Variants in PTPRD observed in about 807,000 individuals in gnomAD.
The protein encoded by PTPRD is protein tyrosine phosphatase receptor type D, also known as receptor-type tyrosine-protein phosphatase delta.
Under a neutral mutation model 214.5 loss-of-function variants are expected in PTPRD, and 34 were observed. The ratio of observed to expected loss-of-function variants is 0.16; its 90% confidence interval spans 0.12 to 0.21. The LOEUF (loss-of-function observed/expected upper bound fraction) is 0.21, where lower values mean the gene tolerates loss of function less well. PTPRD is among the 10% of genes least tolerant of loss of function. The pLI is 1.00. For synonymous variants in PTPRD, 1,128 were observed against 845.7 expected (o/e 1.33, Z -5.79); for missense variants, 2,545 against 2,398.7 (o/e 1.06, Z -1.27).
At chr9:9,208,091 T>G (rs1469774054) in intron 9 of PTPRD, among the ~76,000 whole-genome samples, 1 of 139,956 alleles carries the variant, frequency 7.1e-6, no homozygotes, top group Non-Finnish European at 1.5e-5. Flanking sequence ...GCGATCTCAC[T>G]GCAAGCTCCG....
chr9:10,441,491 A>C (rs2098757980), intron 2 of PTPRD, among the ~76,000 whole-genome samples: 1 of 151,698 alleles, frequency 6.6e-6, no homozygotes, highest in Non-Finnish European at 1.5e-5. Context: ...TTACATTTCA[A>C]GCCTCAGTCC....
At chr9:10,078,514 TAAAAAAA>T (rs71485315) in intron 3 of PTPRD, among the ~76,000 whole-genome samples, 5 of 78,762 alleles carry the variant, frequency 6.3e-5, no homozygotes, top group Admixed American at 1.5e-4. Context: ...AGACTCCATC[TAAAAAAA>T]AAAAAAAAAA....
At chr9:9,440,959 G>C (rs769161771) in intron 8 of PTPRD, among the ~76,000 whole-genome samples, 9 of 152,214 alleles carry the variant, frequency 5.9e-5, no homozygotes, top group Non-Finnish European at 1.2e-4. Flanking sequence ...GTGAAGTCAA[G>C]CTGATCTTCA....
intron 7 of PTPRD, among the ~76,000 whole-genome samples, chr9:9,702,256 T>C (rs1312537276): frequency 2.6e-5 from 4 of 152,130 alleles, no homozygotes; most frequent in African/African-American, 9.7e-5. Flanking sequence ...AGAGGGTGCA[T>C]AAAACAGTGT....
Position 10,279,577 on chromosome 9 carries a change from T to C in PTPRD, c.-545+61386A>G, listed in dbSNP as rs1158804722. 2.0e-5 allele frequency among the ~76,000 whole-genome samples: 3 copies of C among 152,272 alleles called. No individual in the cohort carries two copies. The East Asian group carries it at 5.8e-4, about 29-fold the overall frequency. ...TTTAAACTCCTTTGCTGGAGGTTGG[T>C]CATTTATATCTTACTCAAGCTACTT... On this transcript the variant is annotated intron_variant, in intron 3 of 45. Coordinates refer to ENST00000381196, the MANE Select transcript of PTPRD (RefSeq NM_002839.4).
chr9:10,178,835 C>A (rs897657137), intron 3 of PTPRD, among the ~76,000 whole-genome samples: 1 of 151,844 alleles, frequency 6.6e-6, no homozygotes, highest in African/African-American at 2.4e-5. Flanking sequence ...TGTTTTCAGA[C>A]ATTTACAAAT....
chr9:10,166,111 G>A (rs142149713), intron 3 of PTPRD, among the ~76,000 whole-genome samples: 1 of 149,558 alleles, frequency 6.7e-6, no homozygotes, highest in African/African-American at 2.4e-5. Context: ...TAAAATATAT[G>A]TACATATATA....
At chr9:10,097,786 G>C (rs972353234) in intron 3 of PTPRD, among the ~76,000 whole-genome samples, 6 of 151,792 alleles carry the variant, frequency 4.0e-5, no homozygotes, top group African/African-American at 1.5e-4. Context: ...TTGAATAGGA[G>C]TGGTGAGAGA....
At chr9:8,454,034 T>C (rs1056842814) in intron 33 of PTPRD, among the ~76,000 whole-genome samples, 1 of 152,236 alleles carries the variant, frequency 6.6e-6, no homozygotes, top group African/African-American at 2.4e-5. Context: ...GATTAATCAT[T>C]CAATAATCAC....
At chr9:9,181,338 G>C (rs905630252) in intron 10 of PTPRD, among the ~76,000 whole-genome samples, 1 of 151,884 alleles carries the variant, frequency 6.6e-6, no homozygotes, top group Non-Finnish European at 1.5e-5. Flanking sequence ...TAGGTAGGTA[G>C]TTATGTTTTT....
chr9:9,101,101 CAGAG>C (rs71317400), intron 10 of PTPRD, among the ~76,000 whole-genome samples: 73,050 of 150,350 alleles, frequency 0.49, 18,695 homozygotes, highest in Non-Finnish European at 0.58. Flanking sequence ...CAATGTAAAA[CAGAG>C]AGAGAGAGAG....
chr9:8,747,560 C>A (rs531249499), intron 11 of PTPRD, among the ~76,000 whole-genome samples: 71 of 152,268 alleles, frequency 4.7e-4, no homozygotes, highest in African/African-American at 1.6e-3. Context: ...AGGACCCTCC[C>A]TTAGAAATGC....
rs201099858 is a variant in PTPRD at position 10,588,451 on chromosome 9, C to CAA, written c.-600+23946_-600+23947insTT. 7.7e-3 allele frequency among the ~76,000 whole-genome samples: 1,176 copies of CAA among 151,758 alleles called. 6 individuals are homozygous for CAA. Among genetic ancestry groups the CAA allele is most frequent in the Non-Finnish European group, 0.01 (693 of 67,848 alleles). ...GTACACACACACACACACACACACA[C>CAA]ACACTCACAATGATAGTTATACAAA... On this transcript the variant is annotated intron_variant, in intron 2 of 45. Coordinates refer to ENST00000381196, the MANE Select transcript of PTPRD (RefSeq NM_002839.4).
chr9:9,324,334 CA>C (rs1968562101), intron 9 of PTPRD, among the ~76,000 whole-genome samples: 1 of 152,214 alleles, frequency 6.6e-6, no homozygotes. Context: ...TGTTTCTCCA[CA>C]ACCTCTCCAG....
chr9:9,567,293 G>C (rs931664410), intron 8 of PTPRD, among the ~76,000 whole-genome samples: 1 of 151,870 alleles, frequency 6.6e-6, no homozygotes, highest in African/African-American at 2.4e-5. Context: ...TTGTGTTATT[G>C]AGAGAACAGG....
intron 4 of PTPRD, among the ~76,000 whole-genome samples, chr9:10,016,758 G>A (rs1270307363): frequency 1.3e-5 from 2 of 150,918 alleles, no homozygotes; most frequent in African/African-American, 4.9e-5. Context: ...TCGATCTCTT[G>A]GGCTCAAGCC....
chr9:10,348,169 C>A (rs148816835), intron 2 of PTPRD, among the ~76,000 whole-genome samples: 74 of 152,330 alleles, frequency 4.9e-4, no homozygotes, highest in African/African-American at 1.3e-3. Context: ...TAATCAACTT[C>A]TCTTCCTCTC....
chr9:9,309,323 A>T (rs1369491969), intron 9 of PTPRD, among the ~76,000 whole-genome samples: 1 of 150,938 alleles, frequency 6.6e-6, no homozygotes, highest in Non-Finnish European at 1.5e-5. Flanking sequence ...GAATGGAAAC[A>T]TTGCAAACAA....
intron 34 of PTPRD, among the ~76,000 whole-genome samples, chr9:8,438,519 G>C (rs973798557): frequency 1.3e-5 from 2 of 152,180 alleles, no homozygotes; most frequent in Admixed American, 6.5e-5. Context: ...TATGGAGGAA[G>C]TGTGAGGGTG....
Sources: gnomAD v4.1 joint callset for allele counts (sites outside exome capture counted in the v4.1 genomes callset) on GRCh38, gnomAD v4.1.1 for gene constraint, MANE v1.5 for transcripts, NCBI Gene and HGNC (gene_info 2026-07-23, HGNC 2026-07-21) for gene names.